The following NAV3 variants were observed in gnomAD, a reference collection of about 807,000 sequenced individuals.
The protein encoded by NAV3 is neuron navigator 3.
A neutral mutation model predicts 244.7 loss-of-function variants in NAV3; 87 were observed. The ratio of observed to expected loss-of-function variants is 0.36; its 90% CI spans 0.30 to 0.42. The LOEUF (loss-of-function observed/expected upper bound fraction) is 0.42, where lower values mean the gene tolerates loss of function less well. Among genes scored for constraint, NAV3 ranks in the 20% least tolerant of loss-of-function variants. NAV3 has a pLI of 1.00. For synonymous variants in NAV3, 1,126 were observed against 1,042.2 expected, an observed-to-expected ratio of 1.08 and a Z score of -1.55; for missense variants, 2,663 against 2,893.3, an observed-to-expected ratio of 0.92 and a Z score of 1.83.
chr12:77,768,210 C>T (rs754454455), intron 2 of NAV3, among the ~76,000 whole-genome samples: 1 of 152,192 alleles, frequency 6.6e-6, no homozygotes, highest in African/African-American at 2.4e-5. Flanking sequence ...CATGGGCAGC[C>T]TGGAAAAAGC....
intron 2 of NAV3, among the ~76,000 whole-genome samples, chr12:77,787,581 A>G (rs992921282): frequency 6.6e-6 from 1 of 152,186 alleles, no homozygotes; most frequent in African/African-American, 2.4e-5. Context: ...AGAACTCACT[A>G]TTAAGAGAAC....
chr12:77,737,344 G>T (rs1446616562), intron 2 of NAV3, among the ~76,000 whole-genome samples: 1 of 151,262 alleles, frequency 6.6e-6, no homozygotes, highest in Admixed American at 6.6e-5. Context: ...GCATGTATCA[G>T]GGTCCAGTAG....
chr12:77,580,658 C>G (rs1020711706), intron 2 of NAV3, among the ~76,000 whole-genome samples: 2 of 152,128 alleles, frequency 1.3e-5, no homozygotes, highest in African/African-American at 4.8e-5. Flanking sequence ...TGTCTAAACC[C>G]TAAATATTAG....
chr12:78,125,870 C>T (rs528369721), intron 16 of NAV3, among the ~76,000 whole-genome samples: 3 of 152,124 alleles, frequency 2.0e-5, no homozygotes, highest in African/African-American at 7.2e-5. Flanking sequence ...TTTTATACAA[C>T]TGGATGAGTT....
chr12:77,783,913 T>C (rs1292503906), intron 2 of NAV3, among the ~76,000 whole-genome samples: 1 of 152,090 alleles, frequency 6.6e-6, no homozygotes, highest in Non-Finnish European at 1.5e-5. Flanking sequence ...TTCATGGGTG[T>C]GTGTGTCAGG....
intron 3 of NAV3, among the ~76,000 whole-genome samples, chr12:77,952,057 T>C (rs1301722749): frequency 1.4e-5 from 2 of 139,568 alleles, no homozygotes; most frequent in East Asian, 2.1e-4. Context: ...CCCTAGATCT[T>C]AAAGTATAAT....
intron 8 of NAV3, among the ~76,000 whole-genome samples, chr12:78,013,416 G>C (rs1447582192): frequency 6.6e-6 from 1 of 152,114 alleles, no homozygotes; most frequent in African/African-American, 2.4e-5. Flanking sequence ...CACTTGAACT[G>C]AGTCCAGAAA....
chr12:77,817,946 A>T (rs17044280), intron 2 of NAV3, among the ~76,000 whole-genome samples: 6,794 of 152,180 alleles, frequency 0.045, 273 homozygotes, highest in African/African-American at 0.11. Context: ...CTAGAACTTG[A>T]TTTTGCCACT....
intron 12 of NAV3, among the ~76,000 whole-genome samples, chr12:78,094,689 C>T (rs561481620): frequency 3.0e-4 from 46 of 151,886 alleles, no homozygotes; most frequent in Admixed American, 2.2e-3. Context: ...TTTTAATTAC[C>T]GGGTTATAAA....
chr12:77,825,313 A>G (rs1024594158), intron 2 of NAV3, among the ~76,000 whole-genome samples: 14 of 152,218 alleles, frequency 9.2e-5, no homozygotes, highest in Admixed American at 5.2e-4. Context: ...ATGTGGATAA[A>G]TATAAAGATT....
intron 2 of NAV3, among the ~76,000 whole-genome samples, chr12:77,602,917 C>G (rs1261346202): frequency 6.6e-6 from 1 of 152,054 alleles, no homozygotes; most frequent in Non-Finnish European, 1.5e-5. Flanking sequence ...TTGTGAAGCT[C>G]TTGCCCTTAA....
intron 1 of NAV3, among the ~76,000 whole-genome samples, chr12:77,861,952 T>C (rs944367635): frequency 2.0e-5 from 3 of 151,864 alleles, no homozygotes; most frequent in African/African-American, 7.2e-5. Flanking sequence ...ATAGCTTTTT[T>C]GTCTAAAATA....
chr12:78,118,196 C>A lies in NAV3; in HGVS notation c.2939C>A (p.Ser980Tyr), dbSNP rs2138571893. The change falls in exon 14 of 40, where the codon TCC (serine) becomes TAC (tyrosine). Residue 980 changes from serine (S) to tyrosine (Y), a missense_variant. Ser to Tyr is a moderately radical substitution (Grantham distance 144). Transcript: ENST00000397909. ...EDPEKAGQKA[S>Y]LSVSQTGSWR... ...CCCGAGAAGGCAGGGCAGAAAGCTT[C>A]CCTGTCTGTTTCACAGACAGGTTCC... 1.2e-6 allele frequency: 2 copies of A among 1,613,454 alleles called. No individual in the cohort carries two copies. Among genetic ancestry groups the A allele is most frequent in the Non-Finnish European group, 1.7e-6 (2 of 1,179,856 alleles).
Position 78,020,844 on chromosome 12 carries a change from GA to G in NAV3, c.1908-894del, listed in dbSNP as rs946976284. Among the ~76,000 whole-genome samples the G allele has an allele frequency of 5.7e-4, 85 of 149,590 alleles. No individual in the cohort carries two copies. In the South Asian group the frequency reaches 6.9e-3, roughly 12 times the overall value. On this transcript the variant is annotated intron_variant, in intron 8 of 39. Transcript: ENST00000397909. ...TTGTCATGGCCCAGACCTACTACCA[GA>G]AAAAAAAAGGGTAGAAGTAAGGCAA...
chr12:77,725,801 G>C (rs2137316797), intron 2 of NAV3, among the ~76,000 whole-genome samples: 1 of 152,030 alleles, frequency 6.6e-6, no homozygotes, highest in South Asian at 2.1e-4. Context: ...TTAAATTTAG[G>C]TCTCTACAGG....
intron 3 of NAV3, among the ~76,000 whole-genome samples, chr12:77,951,758 T>A (rs929604989): frequency 3.3e-5 from 5 of 152,190 alleles, no homozygotes; most frequent in Admixed American, 6.5e-5. Flanking sequence ...GGTGAGTTCA[T>A]GTCCTTTGTA....
At chr12:78,002,611 C>G (rs961841201) in intron 7 of NAV3, among the ~76,000 whole-genome samples, 1 of 152,052 alleles carries the variant, frequency 6.6e-6, no homozygotes, top group African/African-American at 2.4e-5. Flanking sequence ...TTTAATTACT[C>G]TGAAATTACA....
chr12:77,865,123 G>T (rs988300991), intron 1 of NAV3, among the ~76,000 whole-genome samples: 1 of 151,958 alleles, frequency 6.6e-6, no homozygotes, highest in Non-Finnish European at 1.5e-5. Context: ...ATAAATAGTG[G>T]GTGAGGGAAT....
At chr12:77,892,972 A>G (rs1056220763) in intron 1 of NAV3, among the ~76,000 whole-genome samples, 4 of 152,226 alleles carry the variant, frequency 2.6e-5, no homozygotes, top group Non-Finnish European at 4.4e-5. Flanking sequence ...CATTACTATA[A>G]ATTACGAGTT....
Sources: gnomAD v4.1 joint callset for allele counts (sites outside exome capture counted in the v4.1 genomes callset) on GRCh38, gnomAD v4.1.1 for gene constraint, MANE v1.5 for transcripts, NCBI Gene and HGNC (gene_info 2026-07-23, HGNC 2026-07-21) for gene names.